The following RGS7 variants were observed in gnomAD, a reference collection of about 807,000 sequenced individuals.
The protein encoded by RGS7 is regulator of G-protein signaling 7.
A neutral mutation model predicts 81.1 loss-of-function variants in RGS7; 27 were observed. The ratio of observed to expected loss-of-function variants is 0.33; its 90% CI spans 0.25 to 0.46. The LOEUF is 0.46. Among genes scored for constraint, RGS7 ranks in the 20% least tolerant of loss-of-function variants. The probability of loss-of-function intolerance (pLI) is 1.00; values close to 1 mark genes in which losing one functional copy is unlikely to be tolerated. For missense variants in RGS7, 396 were observed against 607.4 expected (o/e 0.65, Z 3.66); for synonymous variants, 208 against 207.7 (o/e 1.00, Z -0.01).
At chr1:241,061,523 C>T (rs2061737135) in intron 3 of RGS7, among the ~76,000 whole-genome samples, 4 of 152,138 alleles carry the variant, frequency 2.6e-5, no homozygotes, top group Admixed American at 2.6e-4. Context: ...ATAGTTTGGT[C>T]TCCCCAATAA....
At chr1:240,901,695 T>C (rs543861223) in intron 6 of RGS7, among the ~76,000 whole-genome samples, 1 of 152,318 alleles carries the variant, frequency 6.6e-6, no homozygotes, top group East Asian at 1.9e-4. Flanking sequence ...GTTGAGGTCC[T>C]GTCTTTCTTC....
At chr1:240,919,793 T>C (rs1186788016) in intron 6 of RGS7, 12 of 723,518 alleles carry the variant, frequency 1.7e-5, no homozygotes, top group Non-Finnish European at 2.3e-5. Flanking sequence ...TAATGAGAGA[T>C]TCAAACATCA....
chr1:241,184,301 G>A (rs956443291), intron 2 of RGS7, among the ~76,000 whole-genome samples: 2 of 152,122 alleles, frequency 1.3e-5, no homozygotes, highest in South Asian at 2.1e-4. Flanking sequence ...CTCTGTTGAC[G>A]ACAGCAGAAA....
At chr1:241,061,934 C>G (rs2945543) in intron 3 of RGS7, among the ~76,000 whole-genome samples, 1 of 152,146 alleles carries the variant, frequency 6.6e-6, no homozygotes, top group Admixed American at 6.5e-5. Context: ...CATGCTTGGT[C>G]GTATCTCAAC....
At chr1:240,783,938 G>A (rs573437111) in intron 18 of RGS7, among the ~76,000 whole-genome samples, 4 of 151,624 alleles carry the variant, frequency 2.6e-5, no homozygotes, top group African/African-American at 9.7e-5. Flanking sequence ...CACTTTGGGA[G>A]GCCGAGGTGG....
chr1:241,122,502 A>C (rs1292223413), intron 2 of RGS7, among the ~76,000 whole-genome samples: 2 of 151,976 alleles, frequency 1.3e-5, no homozygotes, highest in African/African-American at 4.8e-5. Context: ...ATCTCTACTA[A>C]ATATAAAAAA....
chr1:241,201,080 A>G (rs1012254167), intron 2 of RGS7, among the ~76,000 whole-genome samples: 16 of 152,128 alleles, frequency 1.1e-4, no homozygotes, highest in Non-Finnish European at 2.2e-4. Context: ...ACTTCTGGTC[A>G]CCTCTGTAAG....
At chr1:240,998,589 A>G in intron 3 of RGS7, 1 of 828,174 alleles carries the variant, frequency 1.2e-6, no homozygotes, top group East Asian at 2.6e-5. Flanking sequence ...CAGCTGCTGG[A>G]CCAGGTCCAC....
chr1:240,776,070 C>T lies in RGS7; in HGVS notation c.*150G>A. ...TTTAGGTCCTTTGCTCATGCAACAT[C>T]TTGTTCTAATGTCCTCTGCTCCAGG... On this transcript the variant is annotated 3_prime_UTR_variant, in exon 19 of 19. Transcript: ENST00000440928. 1 of 967,428 alleles carries T rather than the reference C, an allele frequency of 1.0e-6. No homozygotes were observed. Among genetic ancestry groups the T allele is most frequent in the Non-Finnish European group, 1.7e-6 (1 of 590,132 alleles). 59.9% of individuals were successfully genotyped at this position (967,428 alleles called of 1,614,324 possible).
intron 2 of RGS7, among the ~76,000 whole-genome samples, chr1:241,145,293 G>C (rs1558126222): frequency 6.6e-6 from 1 of 152,106 alleles, no homozygotes; most frequent in Non-Finnish European, 1.5e-5. Context: ...TGAGATTACA[G>C]AAATGTTTTA....
At chr1:240,999,662 G>A (rs985977418) in intron 3 of RGS7, among the ~76,000 whole-genome samples, 2 of 152,146 alleles carry the variant, frequency 1.3e-5, no homozygotes, top group Admixed American at 6.5e-5. Flanking sequence ...GTGCAGTGGT[G>A]TGATCTTGTC....
chr1:240,894,193 C>T (rs1668681788), intron 6 of RGS7, among the ~76,000 whole-genome samples: 3 of 152,136 alleles, frequency 2.0e-5, no homozygotes, highest in Admixed American at 6.5e-5. Context: ...TCTTTTGCTG[C>T]TTTAAAATCC....
At chr1:241,234,861 A>G (rs2075844352) in intron 2 of RGS7, among the ~76,000 whole-genome samples, 1 of 152,188 alleles carries the variant, frequency 6.6e-6, no homozygotes, top group Admixed American at 6.5e-5. Context: ...AAGTTAAAAA[A>G]AAAAAGGAAA....
intron 3 of RGS7, among the ~76,000 whole-genome samples, chr1:241,053,161 CTT>C (rs2061334705): frequency 6.6e-6 from 1 of 152,116 alleles, no homozygotes; most frequent in Non-Finnish European, 1.5e-5. Context: ...GCTAAGGAAA[CTT>C]TGCAATCAAA....
chr1:241,170,424 G>A (rs1383670674), intron 2 of RGS7, among the ~76,000 whole-genome samples: 2 of 152,110 alleles, frequency 1.3e-5, no homozygotes, highest in Admixed American at 1.3e-4. Context: ...GATTTAATGT[G>A]TTTAGATTCT....
intron 2 of RGS7, among the ~76,000 whole-genome samples, chr1:241,235,597 C>A (rs2075889609): frequency 2.0e-5 from 2 of 98,708 alleles, no homozygotes; most frequent in Admixed American, 1.1e-4. Context: ...TTCTTTCTTC[C>A]TTTATTTTTC....
At chr1:241,172,785 A>G (rs545134093) in intron 2 of RGS7, among the ~76,000 whole-genome samples, 12 of 152,378 alleles carry the variant, frequency 7.9e-5, no homozygotes, top group Admixed American at 2.6e-4. Flanking sequence ...TTTATTTTCA[A>G]AGTTCAAAGA....
intron 6 of RGS7, among the ~76,000 whole-genome samples, chr1:240,883,237 G>T (rs1232394105): frequency 1.3e-5 from 2 of 151,924 alleles, no homozygotes; most frequent in East Asian, 1.9e-4. Context: ...GCTAAATGAC[G>T]AGTTAATGGG....
intron 2 of RGS7, among the ~76,000 whole-genome samples, chr1:241,254,214 A>G (rs1429851238): frequency 1.3e-5 from 2 of 151,586 alleles, no homozygotes; most frequent in Non-Finnish European, 2.9e-5. Flanking sequence ...AAAAAAAAAA[A>G]AAGAAAGAAA....
Sources: allele counts gnomAD v4.1 joint callset (sites outside exome capture counted in the v4.1 genomes callset), GRCh38; gene constraint gnomAD v4.1.1; transcripts MANE v1.5; gene names NCBI Gene and HGNC (gene_info 2026-07-23, HGNC 2026-07-21).